UCHL3: variants seen among roughly 807,000 people sequenced by gnomAD.
UCHL3 encodes ubiquitin carboxyl-terminal hydrolase isozyme L3.
UCHL3 carries 22 observed loss-of-function variants against 35.8 expected under a neutral mutation model. That is an observed-to-expected ratio of 0.61 (90% confidence interval 0.44 to 0.88). The LOEUF is 0.88. UCHL3 is among the 40% of genes least tolerant of loss of function. The probability of loss-of-function intolerance (pLI) is 0.00; values close to 1 mark genes in which losing one functional copy is unlikely to be tolerated. For synonymous variants in UCHL3, 90 were observed against 92.8 expected (o/e 0.97, Z 0.17); for missense variants, 229 against 276.9 (o/e 0.83, Z 1.23).
upstream of UCHL3, chr13:75,549,753 C>T: frequency 1.4e-6 from 2 of 1,456,504 alleles, no homozygotes; most frequent in Admixed American, 2.6e-5. Context: ...TCAAGGCGCG[C>T]GTGGGCGGAA....
At chr13:75,560,943 T>G (rs1162250964) in intron 3 of UCHL3, 62 bp downstream of exon 3, 3 of 1,428,046 alleles carry the variant, frequency 2.1e-6, no homozygotes, top group Non-Finnish European at 2.8e-6. Context: ...TTCTGTCTTA[T>G]TTTTTGAGGC....
At chr13:75,597,878 G>T (rs912172481) in intron 7 of UCHL3, among the ~76,000 whole-genome samples, 2 of 152,128 alleles carry the variant, frequency 1.3e-5, no homozygotes. Context: ...TAAATTGTAA[G>T]GTTAACCAAT....
intron 3 of UCHL3, 35 bp from the exon 4 acceptor site, chr13:75,566,660 C>G (rs1198879905): frequency 7.9e-7 from 1 of 1,258,480 alleles, no homozygotes; most frequent in South Asian, 2.4e-5. Flanking sequence ...ATGTTATTTT[C>G]CACAAATACA....
intron 7 of UCHL3, among the ~76,000 whole-genome samples, chr13:75,600,987 A>G (rs1017310565): frequency 1.3e-5 from 2 of 152,194 alleles, no homozygotes; most frequent in Admixed American, 1.3e-4. Flanking sequence ...ATCCTCATGG[A>G]TGACTTTGAG....
intron 6 of UCHL3, among the ~76,000 whole-genome samples, chr13:75,575,173 T>C (rs551668201): frequency 6.6e-6 from 1 of 152,302 alleles, no homozygotes; most frequent in South Asian, 2.1e-4. Context: ...CAAAATACAG[T>C]AGTCTTTTTC....
intron 3 of UCHL3, among the ~76,000 whole-genome samples, chr13:75,565,955 A>G (rs528562129): frequency 6.6e-6 from 1 of 152,324 alleles, no homozygotes; most frequent in Admixed American, 6.5e-5. Context: ...GCTTATTATT[A>G]TACCCTATTG....
intron 8 of UCHL3, 102 bp downstream of exon 8, chr13:75,604,929 C>G (rs2032890494): frequency 2.1e-6 from 2 of 963,808 alleles, no homozygotes; most frequent in Non-Finnish European, 2.9e-6. Flanking sequence ...TTGGATACTT[C>G]TTTATCCTTG....
chr13:75,549,772 G>A (rs779137098), upstream of UCHL3: 44 of 1,055,938 alleles, frequency 4.2e-5, no homozygotes, highest in Non-Finnish European at 4.8e-5. Flanking sequence ...AAGCGGCGGC[G>A]GCGGCGAAGG....
chr13:75,596,814 A>G (rs114416274), intron 7 of UCHL3, among the ~76,000 whole-genome samples: 2,091 of 152,328 alleles, frequency 0.014, 65 homozygotes, highest in African/African-American at 0.048. Context: ...AGGGTAAGCT[A>G]CATATGAAGA....
chr13:75,561,557 AG>A (rs1283613156), intron 3 of UCHL3, among the ~76,000 whole-genome samples: 3 of 150,602 alleles, frequency 2.0e-5, no homozygotes, highest in South Asian at 2.1e-4. Context: ...TATATATATA[AG>A]GAATCTTCTT....
At chr13:75,577,484 G>T (rs1342587259) in intron 6 of UCHL3, among the ~76,000 whole-genome samples, 21 of 152,154 alleles carry the variant, frequency 1.4e-4, no homozygotes, top group African/African-American at 5.1e-4. Context: ...AGCATCTGTG[G>T]ATTTTGGTGT....
chr13:75,557,679 G>T lies in UCHL3; in HGVS notation c.55-3074G>T, dbSNP rs187347531. ...TGAGCAGTCTGGAAAAATATTTTTG[G>T]TATAGTTTTAAGACCATCATTTTGT... On this transcript the variant is annotated intron_variant, in intron 2 of 8. Transcript: ENST00000377595. 3.7e-4 allele frequency among the ~76,000 whole-genome samples: 57 copies of T among 152,184 alleles called. No homozygotes were observed. In the East Asian group the frequency reaches 9.8e-3, roughly 26 times the overall value.
Position 75,605,711 on chromosome 13 carries a change from T to G in UCHL3, c.610-18T>G, listed in dbSNP as rs746890070. 1 of 1,600,014 alleles carries G rather than the reference T, an allele frequency of 6.2e-7. No individual in the cohort carries two copies. The highest frequency in any genetic ancestry group is 1.4e-5 in the African/African-American group (1 of 73,744). On this transcript the variant is annotated intron_variant, in intron 8 of 8. Transcript: ENST00000377595. ...CACTTTTACACTGAAAAATCATACT[T>G]TTTTTTTTCCTCCATAGGATGCCAT... is the stretch of plus-strand genomic sequence containing the variant.
intron 3 of UCHL3, among the ~76,000 whole-genome samples, chr13:75,563,433 T>C (rs1416695074): frequency 6.6e-6 from 1 of 152,212 alleles, no homozygotes; most frequent in East Asian, 1.9e-4. Flanking sequence ...CACTTTGGTC[T>C]CCCAGAGTGC....
intron 7 of UCHL3, among the ~76,000 whole-genome samples, chr13:75,596,955 A>G (rs2032660529): frequency 6.6e-6 from 1 of 152,234 alleles, no homozygotes; most frequent in South Asian, 2.1e-4. Context: ...ATCAAGAAGA[A>G]TGATCTGATG....
intron 6 of UCHL3, among the ~76,000 whole-genome samples, chr13:75,583,841 A>G (rs542314923): frequency 5.1e-4 from 77 of 152,356 alleles, no homozygotes; most frequent in African/African-American, 1.7e-3. Flanking sequence ...AATTTTAACA[A>G]ATTGCTTAAG....
chr13:75,586,330 A>C (rs1233925074), intron 6 of UCHL3, among the ~76,000 whole-genome samples: 1 of 152,052 alleles, frequency 6.6e-6, no homozygotes, highest in Non-Finnish European at 1.5e-5. Context: ...TACACGTAAC[A>C]GAAAGTATGT....
rs539498124 is a variant in UCHL3, at chr13:75,582,006, C to T, written c.474+12499C>T. Among the ~76,000 whole-genome samples, 14 of 152,206 alleles carry T rather than the reference C, an allele frequency of 9.2e-5. No individual in the cohort carries two copies. The South Asian group carries it at 1.7e-3, about 18-fold the overall frequency. On this transcript the variant is annotated intron_variant, in intron 6 of 8. Coordinates refer to ENST00000377595, the MANE Select transcript of UCHL3 (RefSeq NM_006002.5). ...GTCAAATTAGTTGACAGTTGATGGGCGAGTGACCTTGCAATGGAAAACACT... is the reference window on the plus strand; with the variant it reads ...GTCAAATTAGTTGACAGTTGATGGGTGAGTGACCTTGCAATGGAAAACACT...
intron 6 of UCHL3, among the ~76,000 whole-genome samples, chr13:75,572,031 T>TTGTCTTGTCTTGTC (rs1345810810): frequency 6.6e-6 from 1 of 152,006 alleles, no homozygotes; most frequent in African/African-American, 2.4e-5. Flanking sequence ...TTGTCTTTAC[T>TTGTCTTGTCTTGTC]TTTCCTTCCT....
Sources: gnomAD v4.1 joint callset for allele counts (sites outside exome capture counted in the v4.1 genomes callset) on GRCh38, gnomAD v4.1.1 for gene constraint, MANE v1.5 for transcripts, NCBI Gene and HGNC (gene_info 2026-07-23, HGNC 2026-07-21) for gene names.